STAT4: variants seen among roughly 807,000 people sequenced by gnomAD.
STAT4 encodes signal transducer and activator of transcription 4.
Under a neutral mutation model 110.5 loss-of-function variants are expected in STAT4, and 42 were observed. That is an observed-to-expected ratio of 0.38 (90% CI 0.30 to 0.49). The LOEUF is 0.49. Ranked by LOEUF, STAT4 falls within the 20% of genes least tolerant of loss-of-function variation. The probability of loss-of-function intolerance (pLI) is 0.95; values close to 1 mark genes in which losing one functional copy is unlikely to be tolerated. For missense variants in STAT4, 632 were observed against 887.9 expected, an observed-to-expected ratio of 0.71 and a Z score of 3.66; for synonymous variants, 284 against 302.2, an observed-to-expected ratio of 0.94 and a Z score of 0.63.
At chr2:191,034,422 CAA>C (rs375344996) in intron 18 of STAT4, 124 bp downstream of exon 18, 18,119 of 487,580 alleles carry the variant, frequency 0.037, no homozygotes, top group South Asian at 0.046. Flanking sequence ...GACTCTATCT[CAA>C]AAAAAAAAAA....
Position 191,104,135 on chromosome 2 carries a change from T to G in STAT4, c.274-27810A>C, listed in dbSNP as rs967434463. Among the ~76,000 whole-genome samples the G allele has an allele frequency of 9.9e-5, 15 of 152,266 alleles. No homozygotes were observed. Among genetic ancestry groups the G allele is most frequent in the Middle Eastern group, 3.4e-3 (1 of 294 alleles). On this transcript the variant is annotated intron_variant, in intron 3 of 23. Coordinates refer to ENST00000392320, the MANE Select transcript of STAT4 (RefSeq NM_003151.4). This position sits in a 1 kb window ranked among gnomAD's most constrained non-coding sequence, Gnocchi z 4.3. ...ATATATCTATTCATCTCTAATACTT[T>G]TAAAAAGACAAGAAAAAATATACTA...
intron 3 of STAT4, among the ~76,000 whole-genome samples, chr2:191,137,609 T>A (rs1241754260): frequency 2.6e-5 from 4 of 152,190 alleles, no homozygotes; most frequent in Non-Finnish European, 5.9e-5. Flanking sequence ...ACTACCTGAC[T>A]TCAAAGTATA....
At chr2:191,067,072 TC>T (rs1697011024) in intron 6 of STAT4, among the ~76,000 whole-genome samples, 1 of 151,466 alleles carries the variant, frequency 6.6e-6, no homozygotes, top group African/African-American at 2.4e-5. Flanking sequence ...TTTTTTTTTT[TC>T]AAAATGCGCT....
chr2:191,103,381 T>G (rs1698194947), intron 3 of STAT4, among the ~76,000 whole-genome samples: 1 of 152,156 alleles, frequency 6.6e-6, no homozygotes, highest in African/African-American at 2.4e-5. Flanking sequence ...TAATGCTGTG[T>G]GTGTTTGCCT....
At chr2:191,124,887 A>G (rs563770482) in intron 3 of STAT4, among the ~76,000 whole-genome samples, 1 of 152,256 alleles carries the variant, frequency 6.6e-6, no homozygotes, top group Admixed American at 6.5e-5. Context: ...TCCTTGCACT[A>G]TGACAATAAT....
At position 191,061,484 on chromosome 2, in the gene STAT4, T is replaced by A. The variant is rs1696846770; in HGVS notation, c.1034+245A>T. Among the ~76,000 whole-genome samples the A allele has an allele frequency of 6.6e-6, 1 of 152,210 alleles. No homozygotes were observed. The highest frequency in any genetic ancestry group is 1.5e-5 in the Non-Finnish European group (1 of 68,036). ...CAGCAATTAATTTCATTGTGCCTGA[T>A]ATTATGATTCCATACTTTCAGGCTA... On this transcript the variant is annotated intron_variant, in intron 10 of 23. Coordinates refer to ENST00000392320, the MANE Select transcript of STAT4 (RefSeq NM_003151.4). The surrounding 1 kb of genome is among the most constrained non-coding windows in gnomAD (Gnocchi z 6.2).
rs1463887802 is a variant in STAT4 at position 191,138,467 on chromosome 2, T to C, written c.273+8146A>G. Among the ~76,000 whole-genome samples the C allele has an allele frequency of 6.6e-6, 1 of 152,142 alleles. No individual in the cohort carries two copies. The highest frequency in any genetic ancestry group is 1.5e-5 in the Non-Finnish European group (1 of 68,006). ...AAATACAAAAGATTAGCTAAGGCTA[T>C]TATGAACACTTTTATGTGCACAAAC... On this transcript the variant is annotated intron_variant, in intron 3 of 23. Transcript: ENST00000392320. This position sits in a 1 kb window ranked among gnomAD's most constrained non-coding sequence, Gnocchi z 4.3.
rs1328515507 is a variant in STAT4, at chr2:191,083,814, G to A, written c.274-7489C>T. Among the ~76,000 whole-genome samples, 1 of 151,968 alleles carries A rather than the reference G, an allele frequency of 6.6e-6. No individual in the cohort carries two copies. Among genetic ancestry groups the A allele is most frequent in the East Asian group, 1.9e-4 (1 of 5,190 alleles). On this transcript the variant is annotated intron_variant, in intron 3 of 23. Transcript: ENST00000392320. The surrounding 1 kb of genome is among the most constrained non-coding windows in gnomAD (Gnocchi z 4.6). ...TCAAACTGACTTACTCATAAATTAA[G>A]TAAATAAGCCCAAATGCCTTTCAAG...
intron 3 of STAT4, among the ~76,000 whole-genome samples, chr2:191,123,376 T>A (rs1698790413): frequency 6.6e-6 from 1 of 152,054 alleles, no homozygotes; most frequent in East Asian, 1.9e-4. Context: ...CTCTCCAGAG[T>A]GGGTACATTT....
chr2:191,040,949 A>C lies in STAT4; in HGVS notation c.1335+116T>G. 3 of 630,768 alleles carry C rather than the reference A, an allele frequency of 4.8e-6. No homozygotes were observed. In the Middle Eastern group the frequency reaches 8.7e-4, roughly 183 times the overall value. 39.1% of individuals were successfully genotyped at this position (630,768 alleles called of 1,614,324 possible). On this transcript the variant is annotated intron_variant, in intron 15 of 23. Transcript: ENST00000392320. Reference sequence around the variant, plus strand: ...ACATATTGACTTTCTAAATTAAAACAAAATAATGAATATGGAATGTACTAA... The same window carrying C: ...ACATATTGACTTTCTAAATTAAAACCAAATAATGAATATGGAATGTACTAA...
rs370416058 is a variant in STAT4 at position 191,039,159 on chromosome 2, C to T, written c.1434+40G>A. 9.5e-6 allele frequency: 15 copies of T among 1,572,964 alleles called. No individual in the cohort carries two copies. Among genetic ancestry groups the T allele is most frequent in the African/African-American group, 1.3e-5 (1 of 74,102 alleles). ...TGTGTTTGTTGGCAATAAAACAAAT[C>T]GAATAGCATTAAAGAAGTTGAGGTA... On this transcript the variant is annotated intron_variant, in intron 16 of 23. Transcript: ENST00000392320. The surrounding 1 kb of genome is among the most constrained non-coding windows in gnomAD (Gnocchi z 4.7).
At position 191,143,248 on chromosome 2, in the gene STAT4, CTA is replaced by C. The variant is rs1559086675; in HGVS notation, c.273+3363_273+3364del. On this transcript the variant is annotated intron_variant, in intron 3 of 23. Transcript: ENST00000392320. This position sits in a 1 kb window ranked among gnomAD's most constrained non-coding sequence, Gnocchi z 5.6. ...TTTTTAGCAAACCTTTAGCAAAAGA[CTA>C]TGGTTCTTGCTGCAGGTTTTAGAAT... 1.3e-5 allele frequency among the ~76,000 whole-genome samples: 2 copies of C among 152,158 alleles called. No individual in the cohort carries two copies. The highest frequency in any genetic ancestry group is 4.8e-5 in the African/African-American group (2 of 41,438).
At chr2:191,045,774 C>A (rs1057411722) in intron 14 of STAT4, among the ~76,000 whole-genome samples, 1 of 152,104 alleles carries the variant, frequency 6.6e-6, no homozygotes, top group Non-Finnish European at 1.5e-5. Context: ...ACATTGCCTG[C>A]AGATAGTTAT....
At chr2:191,101,607 G>A (rs1698150517) in intron 3 of STAT4, among the ~76,000 whole-genome samples, 1 of 152,004 alleles carries the variant, frequency 6.6e-6, no homozygotes, top group African/African-American at 2.4e-5. Context: ...TTAAATTATA[G>A]CATTAACATC....
intron 13 of STAT4, among the ~76,000 whole-genome samples, chr2:191,054,949 T>C (rs1456554743): frequency 6.6e-6 from 1 of 152,144 alleles, no homozygotes; most frequent in Non-Finnish European, 1.5e-5. Context: ...GTGTGTACCA[T>C]ATAGCATAGT....
At chr2:191,065,005 C>A in intron 7 of STAT4, 47 bp from the exon 8 acceptor site, 1 of 1,459,878 alleles carries the variant, frequency 6.8e-7, no homozygotes, top group South Asian at 1.4e-5. Flanking sequence ...AGAAATAAGT[C>A]ACTTAGAATT....
intron 3 of STAT4, among the ~76,000 whole-genome samples, chr2:191,109,775 C>T (rs559563955): frequency 6.6e-6 from 1 of 152,284 alleles, no homozygotes; most frequent in African/African-American, 2.4e-5. Flanking sequence ...ATGAATCCCA[C>T]TGTTGGTTTT....
At position 191,148,135 on chromosome 2, in the gene STAT4, A is replaced by T; in HGVS notation, c.69T>A (p.Asp23Glu). The T allele has an allele frequency of 6.2e-7, 1 of 1,614,002 alleles. No homozygotes were observed. The highest frequency in any genetic ancestry group is 8.5e-7 in the Non-Finnish European group (1 of 1,179,890). ...KFLEQVDQFY[D>E]DNFPMEIRHL... ...GCCGAATTTCCATGGGAAAGTTGTC[A>T]TCATAGAATTGATCCACCTGCTCCA... The change falls in exon 2 of 24, where the codon GAT becomes GAA. Residue 23 changes from aspartate to glutamate, a missense_variant. Physicochemically the swap from Asp to Glu is conservative, Grantham distance 45. Coordinates refer to ENST00000392320, the MANE Select transcript of STAT4 (RefSeq NM_003151.4).
At position 191,083,246 on chromosome 2, in the gene STAT4, C is replaced by A. The variant is rs1697538099; in HGVS notation, c.274-6921G>T. Among the ~76,000 whole-genome samples, 1 of 152,124 alleles carries A rather than the reference C, an allele frequency of 6.6e-6. No individual in the cohort carries two copies. Among genetic ancestry groups the A allele is most frequent in the Non-Finnish European group, 1.5e-5 (1 of 68,028 alleles). On this transcript the variant is annotated intron_variant, in intron 3 of 23. Coordinates refer to ENST00000392320, the MANE Select transcript of STAT4 (RefSeq NM_003151.4). This position sits in a 1 kb window ranked among gnomAD's most constrained non-coding sequence, Gnocchi z 4.6. ...AAGTGAGACGAGGAAGAGAAGGGAGCCAGTAAGGGTGTGCTGTTAGCCATT... is the reference window on the plus strand; with the variant it reads ...AAGTGAGACGAGGAAGAGAAGGGAGACAGTAAGGGTGTGCTGTTAGCCATT...
Sources: gnomAD v4.1 joint callset for allele counts (sites outside exome capture counted in the v4.1 genomes callset) on GRCh38, gnomAD v4.1.1 for gene constraint, Gnocchi (gnomAD v3.1) non-coding constraint, MANE v1.5 for transcripts, NCBI Gene and HGNC (gene_info 2026-07-23, HGNC 2026-07-21) for gene names.